The following FREM2 variants were observed in gnomAD, a reference collection of about 807,000 sequenced individuals.
FREM2 encodes the protein FRAS1-related extracellular matrix protein 2.
Under a neutral mutation model 219.9 loss-of-function variants are expected in FREM2, and 119 were observed. That is an observed-to-expected ratio of 0.54 (90% CI 0.47 to 0.63). The LOEUF is 0.63. FREM2 is among the 30% of genes least tolerant of loss of function. The pLI, the probability that FREM2 is intolerant of heterozygous loss-of-function variation, is 0.00. For missense variants in FREM2, 4,030 were observed against 3,993.6 expected, an observed-to-expected ratio of 1.01 and a Z score of -0.25; for synonymous variants, 1,562 against 1,522.8, an observed-to-expected ratio of 1.03 and a Z score of -0.60.
At chr13:38,855,208 G>A (rs541303231) in intron 11 of FREM2, among the ~76,000 whole-genome samples, 2 of 152,108 alleles carry the variant, frequency 1.3e-5, no homozygotes, top group East Asian at 1.9e-4. Context: ...AGAAAGGACA[G>A]GGTGAAGGGA....
At position 38,687,144 on chromosome 13, in the gene FREM2, G is replaced by C. The variant is rs1869484992; in HGVS notation, c.-201G>C. The C allele has an allele frequency of 3.0e-6, 2 of 671,804 alleles. No individual in the cohort carries two copies. The highest frequency in any genetic ancestry group is 5.6e-5 in the Admixed American group (2 of 35,756). The allele number at this position is 671,804 out of a possible 1,614,324, so 41.6% of individuals were successfully genotyped here. On this transcript the variant is annotated 5_prime_UTR_variant, in exon 1 of 24. Coordinates refer to ENST00000280481, the MANE Select transcript of FREM2 (RefSeq NM_207361.6). ...CGGCGGAGCTGGACGGCCTGGGAAG[G>C]CTTCGGCTCCTCGGCTGCGGCTCCA...
intron 2 of FREM2, among the ~76,000 whole-genome samples, chr13:38,758,882 T>C (rs1473248123): frequency 6.6e-6 from 1 of 152,102 alleles, no homozygotes; most frequent in Non-Finnish European, 1.5e-5. Context: ...AAAATCAAAT[T>C]ATCTGCCCAG....
In FREM2 at chr13:38,783,104, C is replaced by T. The variant is rs375533736; in HGVS notation, c.5676C>T (p.Ser1892=). ...TGTTTATTCCCCAGTCCAAATACTCCGTTGAAGAAGATGTTGGTGAGCTGT... is the reference window on the plus strand; with the variant it reads ...TGTTTATTCCCCAGTCCAAATACTCTGTTGAAGAAGATGTTGGTGAGCTGT... The part of the protein sequence containing the change: ...PTVFIPQSKY[S]VEEDVGELFI... Residue 1892 remains serine (S), a synonymous_variant, in exon 5 of 24, where the codon TCC becomes TCT. Transcript: ENST00000280481. 1.2e-5 allele frequency: 19 copies of T among 1,613,736 alleles called. No homozygotes were observed. In the African/African-American group the frequency reaches 1.6e-4, roughly 14 times the overall value.
At chr13:38,828,743 A>T (rs1322849080) in intron 6 of FREM2, among the ~76,000 whole-genome samples, 4 of 152,020 alleles carry the variant, frequency 2.6e-5, no homozygotes, top group African/African-American at 7.2e-5. Context: ...TTTAAAAAAA[A>T]TTTTAAGAGA....
Position 38,691,512 on chromosome 13 carries a change from A to G in FREM2, c.4168A>G (p.Ile1390Val). ...GTATGTCCATTTGGGGCAAGAGGGC[A>G]TTCGGGACCTAATTAAATTTGATGT... ...IQYVHLGQEGIRDLIKFDVTD... is the reference protein window; with the variant it reads ...IQYVHLGQEGVRDLIKFDVTD... Residue 1390 changes from isoleucine (I) to valine (V), a missense_variant, in exon 1 of 24, where the codon ATT becomes GTT. Around this residue, in one of 2 missense-constraint regions of FREM2, gnomAD observed 3,102 missense variants for 2,950.7 expected, o/e 1.05. Transcript: ENST00000280481. 2 of 1,614,200 alleles carry G rather than the reference A, an allele frequency of 1.2e-6. No homozygotes were observed. Among genetic ancestry groups the G allele is most frequent in the East Asian group, 2.2e-5 (1 of 44,888 alleles).
chr13:38,878,383 T>A, intron 22 of FREM2, 62 bp downstream of exon 22: 1 of 1,211,738 alleles, frequency 8.3e-7, no homozygotes, highest in East Asian at 3.0e-5. Flanking sequence ...CTCCTTGTCT[T>A]ATATTTAAAA....
At chr13:38,722,347 A>C (rs1316874475) in intron 2 of FREM2, among the ~76,000 whole-genome samples, 1 of 151,292 alleles carries the variant, frequency 6.6e-6, no homozygotes, top group Non-Finnish European at 1.5e-5. Context: ...GGCATGAGCT[A>C]TCTCGTCCAG....
intron 6 of FREM2, among the ~76,000 whole-genome samples, chr13:38,831,974 T>C (rs1247345871): frequency 6.6e-6 from 1 of 152,118 alleles, no homozygotes; most frequent in East Asian, 1.9e-4. Flanking sequence ...AGACTAGATA[T>C]GAGCTCATTT....
chr13:38,772,692 T>C (rs1873711284), intron 4 of FREM2, among the ~76,000 whole-genome samples: 1 of 109,606 alleles, frequency 9.1e-6, no homozygotes. Flanking sequence ...TTTCTTTTTT[T>C]CTCTCTCTCT....
chr13:38,802,273 A>G (rs1337586604), intron 6 of FREM2, among the ~76,000 whole-genome samples: 5 of 152,138 alleles, frequency 3.3e-5, no homozygotes, highest in African/African-American at 1.2e-4. Flanking sequence ...GGAACAGAGT[A>G]AGGAGGTAGC....
Position 38,876,388 on chromosome 13 carries a change from G to A in FREM2, c.8544+6G>A. On this transcript the variant is annotated splice_donor_region_variant and intron_variant, in intron 20 of 23. Coordinates refer to ENST00000280481, the MANE Select transcript of FREM2 (RefSeq NM_207361.6). ...TTGACATCCGATTCCAACAGGTGTGGCTTATAGAATTACTATCTTATGACT... is the reference window on the plus strand; with the variant it reads ...TTGACATCCGATTCCAACAGGTGTGACTTATAGAATTACTATCTTATGACT... The A allele has an allele frequency of 6.2e-7, 1 of 1,612,344 alleles. No homozygotes were observed.
At chr13:38,708,514 C>T (rs948435295) in intron 2 of FREM2, among the ~76,000 whole-genome samples, 2 of 151,904 alleles carry the variant, frequency 1.3e-5, no homozygotes, top group Admixed American at 6.6e-5. Context: ...ATTAGCTGGG[C>T]CTGGTAGCGT....
In FREM2 at chr13:38,688,918, A is replaced by G. The variant is rs746577831; in HGVS notation, c.1574A>G (p.Asp525Gly). ...GTGGTCTACCAGCATGATGACAGAG[A>G]CGGCTCGCTGAGCGACAACCTGGTG... ...GQVVYQHDDR[D>G]GSLSDNLVLR... The change falls in exon 1 of 24, where the codon GAC becomes GGC. Residue 525 changes from aspartate to glycine, a missense_variant. Asp to Gly is a moderately conservative substitution (Grantham distance 94). Around this residue, in one of 2 missense-constraint regions of FREM2, gnomAD observed 3,102 missense variants for 2,950.7 expected, o/e 1.05. Coordinates refer to ENST00000280481, the MANE Select transcript of FREM2 (RefSeq NM_207361.6). 2.5e-6 allele frequency: 4 copies of G among 1,612,740 alleles called. No homozygotes were observed. The highest frequency in any genetic ancestry group is 3.4e-6 in the Non-Finnish European group (4 of 1,179,336).
At chr13:38,815,506 A>C (rs1256120101) in intron 6 of FREM2, among the ~76,000 whole-genome samples, 1 of 152,232 alleles carries the variant, frequency 6.6e-6, no homozygotes, top group African/African-American at 2.4e-5. Flanking sequence ...ATTAAACAAG[A>C]GACATTACAA....
intron 2 of FREM2, among the ~76,000 whole-genome samples, chr13:38,734,868 T>C (rs1167796842): frequency 6.9e-6 from 1 of 145,340 alleles, no homozygotes; most frequent in Non-Finnish European, 1.5e-5. Context: ...TGCCTCAACC[T>C]CCCATGTAGC....
rs78722762 is a variant in FREM2, at chr13:38,755,591, A to G, written c.5264-8713A>G. Among the ~76,000 whole-genome samples, 539 of 152,298 alleles carry G rather than the reference A, an allele frequency of 3.5e-3. 1 individual carries two copies. The highest frequency in any genetic ancestry group is 0.013 in the African/African-American group (522 of 41,568). On this transcript the variant is annotated intron_variant, in intron 2 of 23. Coordinates refer to ENST00000280481, the MANE Select transcript of FREM2 (RefSeq NM_207361.6). ...CTACACTTTGAATCCCTACACTCAG[A>G]TGATTAAACTTTTCTATAGAGTCCA...
At chr13:38,787,370 A>T (rs569053541) in intron 6 of FREM2, among the ~76,000 whole-genome samples, 1 of 152,222 alleles carries the variant, frequency 6.6e-6, no homozygotes, top group African/African-American at 2.4e-5. Flanking sequence ...GTTTAGACAG[A>T]TCCTTTTCAT....
intron 6 of FREM2, among the ~76,000 whole-genome samples, chr13:38,795,882 A>G (rs1451653331): frequency 1.3e-5 from 2 of 152,026 alleles, no homozygotes; most frequent in Non-Finnish European, 2.9e-5. Flanking sequence ...ACTTAACTTA[A>G]TAACCTCCAG....
In FREM2 at chr13:38,880,834, A is replaced by T. The variant is rs756546963; in HGVS notation, c.*47A>T. On this transcript the variant is annotated 3_prime_UTR_variant, in exon 24 of 24. Transcript: ENST00000280481. ...CTTTTCCGTAAGTGCCTCGGAAAAG[A>T]TCACAATGGAACCTTAAATACTTCT... 2 of 1,601,804 alleles carry T rather than the reference A, an allele frequency of 1.2e-6. No homozygotes were observed. The highest frequency in any genetic ancestry group is 3.3e-5 in the Admixed American group (2 of 59,912).
Sources: gnomAD v4.1 joint callset for allele counts (sites outside exome capture counted in the v4.1 genomes callset) on GRCh38, gnomAD v4.1.1 for gene constraint, gnomAD v4.1.1 regional missense constraint, MANE v1.5 for transcripts, NCBI Gene and HGNC (gene_info 2026-07-23, HGNC 2026-07-21) for gene names.